Variants in QTMAN observed in about 807,000 individuals in gnomAD.
The protein encoded by QTMAN is tRNA-queuosine alpha-mannosyltransferase.
At chr2:143,966,942 T>C in the QTMAN span, among the ~76,000 whole-genome samples, 10 of 152,214 alleles carry the variant, frequency 6.6e-5, no homozygotes, top group Non-Finnish European at 1.5e-4. Flanking sequence ...AAGAGTTCTG[T>C]AGAGAGGGAA....
At chr2:144,022,765 T>C in the QTMAN span, among the ~76,000 whole-genome samples, 1 of 152,026 alleles carries the variant, frequency 6.6e-6, no homozygotes, top group Admixed American at 6.6e-5. Context: ...GATTTCACCA[T>C]GTTGGCCACG....
chr2:144,211,443 G>A, the QTMAN span: 1 of 152,576 alleles, frequency 6.6e-6, no homozygotes, highest in Non-Finnish European at 1.5e-5. Context: ...TATACTTAGT[G>A]GCTTTGATTC....
the QTMAN span, among the ~76,000 whole-genome samples, chr2:143,998,215 G>A: frequency 6.6e-6 from 1 of 151,904 alleles, no homozygotes. Flanking sequence ...TAATAAAAAA[G>A]GACAGCAAAA....
the QTMAN span, among the ~76,000 whole-genome samples, chr2:144,045,333 G>A: frequency 3.3e-5 from 5 of 152,130 alleles, no homozygotes; most frequent in Non-Finnish European, 7.4e-5. Context: ...TTTAACCTTC[G>A]CAGGAAATGT....
the QTMAN span, among the ~76,000 whole-genome samples, chr2:144,171,002 G>A: frequency 6.6e-6 from 1 of 152,090 alleles, no homozygotes; most frequent in African/African-American, 2.4e-5. Context: ...GAGGCTGAAA[G>A]GGCTGAATTA....
At chr2:144,102,609 G>A in the QTMAN span, among the ~76,000 whole-genome samples, 1 of 152,102 alleles carries the variant, frequency 6.6e-6, no homozygotes, top group African/African-American at 2.4e-5. Flanking sequence ...TGCACTGTTG[G>A]ATATGCTGGC....
At chr2:144,155,710 T>C in the QTMAN span, among the ~76,000 whole-genome samples, 11 of 152,160 alleles carry the variant, frequency 7.2e-5, no homozygotes, top group Admixed American at 7.2e-4. Context: ...GCCAGAGCAC[T>C]ATCCACAAGT....
chr2:143,955,445 T>C, the QTMAN span, among the ~76,000 whole-genome samples: 1 of 152,142 alleles, frequency 6.6e-6, no homozygotes, highest in Admixed American at 6.5e-5. Context: ...CCATAAGACA[T>C]TTTAAAAATG....
At chr2:144,076,638 A>C in the QTMAN span, among the ~76,000 whole-genome samples, 1 of 152,186 alleles carries the variant, frequency 6.6e-6, no homozygotes, top group Non-Finnish European at 1.5e-5. Flanking sequence ...GGACAATGCA[A>C]ATTTTTCACA....
the QTMAN span, among the ~76,000 whole-genome samples, chr2:143,958,395 T>C: frequency 6.6e-6 from 1 of 151,964 alleles, no homozygotes; most frequent in Admixed American, 6.6e-5. Flanking sequence ...AAATACAAAG[T>C]TTTCAAGATA....
chr2:144,110,688 CAAA>C, the QTMAN span, among the ~76,000 whole-genome samples: 1,923 of 132,940 alleles, frequency 0.014, 62 homozygotes, highest in African/African-American at 0.048. Flanking sequence ...GACCCCCCCC[CAAA>C]AAAAAAAAAC....
the QTMAN span, among the ~76,000 whole-genome samples, chr2:144,258,060 C>T: frequency 6.6e-6 from 1 of 150,888 alleles, no homozygotes; most frequent in Non-Finnish European, 1.5e-5. Flanking sequence ...ATTAAAGCCA[C>T]CAATGAAGTG....
the QTMAN span, among the ~76,000 whole-genome samples, chr2:144,008,406 T>C: frequency 6.6e-6 from 1 of 152,012 alleles, no homozygotes; most frequent in African/African-American, 2.4e-5. Flanking sequence ...TAAAGCATTT[T>C]GCAAGACAGA....
At chr2:144,233,831 G>C in the QTMAN span, among the ~76,000 whole-genome samples, 3 of 152,104 alleles carry the variant, frequency 2.0e-5, no homozygotes, top group African/African-American at 7.2e-5. Flanking sequence ...GTACAATACT[G>C]TCAACAGTTT....
At chr2:144,142,558 T>C in the QTMAN span, among the ~76,000 whole-genome samples, 10 of 151,972 alleles carry the variant, frequency 6.6e-5, no homozygotes. Context: ...TTCGGCACTA[T>C]TTGGTTAAAG....
At chr2:144,243,626 C>T in the QTMAN span, among the ~76,000 whole-genome samples, 1 of 152,222 alleles carries the variant, frequency 6.6e-6, no homozygotes, top group Admixed American at 6.5e-5. Context: ...AGCTTTTATC[C>T]CTTATGGTAT....
the QTMAN span, among the ~76,000 whole-genome samples, chr2:143,988,412 T>G: frequency 0.05 from 7,553 of 152,192 alleles, 295 homozygotes; most frequent in African/African-American, 0.1. Flanking sequence ...CCATATGCCA[T>G]TTGAGACCAA....
chr2:144,138,066 A>G, the QTMAN span, among the ~76,000 whole-genome samples: 1 of 152,086 alleles, frequency 6.6e-6, no homozygotes. Flanking sequence ...AAGTGTCAAG[A>G]ATGCCAAAGT....
the QTMAN span, among the ~76,000 whole-genome samples, chr2:144,251,569 GA>G: frequency 6.6e-6 from 1 of 152,026 alleles, no homozygotes; most frequent in East Asian, 1.9e-4. Context: ...ATACTTTACA[GA>G]AATTAACTCA....
Sources: gnomAD v4.1 joint callset for allele counts (sites outside exome capture counted in the v4.1 genomes callset) on GRCh38, gnomAD v4.1.1 for gene constraint, MANE v1.5 for transcripts, NCBI Gene and HGNC (gene_info 2026-07-23, HGNC 2026-07-21) for gene names.